Variants in DAB2IP observed in about 807,000 individuals in gnomAD.
DAB2IP encodes the protein DAB2 interacting protein, also known as disabled homolog 2-interacting protein.
In DAB2IP, 28 loss-of-function variants were observed where a neutral mutation model predicts 107.2. The ratio of observed to expected loss-of-function variants is 0.26; its 90% confidence interval spans 0.19 to 0.36. The LOEUF (loss-of-function observed/expected upper bound fraction) is 0.36, where lower values mean the gene tolerates loss of function less well. DAB2IP is among the 10% of genes least tolerant of loss of function. The pLI is 1.00. For synonymous variants in DAB2IP, 755 were observed against 706.4 expected (o/e 1.07, Z -1.09); for missense variants, 1,400 against 1,644.7 (o/e 0.85, Z 2.57).
rs760527073 is a variant in DAB2IP at position 121,776,543 on chromosome 9, G to A, written c.3314+152G>A. ...AGTGTCTGGGCAGTGGGAGCAGCGT[G>A]AGCACAGGCCTGGAGGCAGGAGGTG... is the stretch of plus-strand genomic sequence containing the variant. On this transcript the variant is annotated intron_variant, in intron 14 of 15. Coordinates refer to ENST00000408936, the Ensembl canonical transcript of DAB2IP. This position sits in a 1 kb window ranked among gnomAD's most constrained non-coding sequence, Gnocchi z 5.4. The A allele has an allele frequency of 5.2e-5, 50 of 963,390 alleles. No individual in the cohort carries two copies. The highest frequency in any genetic ancestry group is 4.2e-5 in the Non-Finnish European group (28 of 668,778). 59.7% of individuals were successfully genotyped at this position (963,390 alleles called of 1,614,324 possible).
At chr9:121,619,878 A>C (rs1005643483) in intron 1 of DAB2IP, among the ~76,000 whole-genome samples, 2 of 152,098 alleles carry the variant, frequency 1.3e-5, no homozygotes, top group African/African-American at 4.8e-5. Context: ...TTAGGTAGGA[A>C]GTTATTCTTT....
At chr9:121,768,387 G>T (rs140733730) in intron 9 of DAB2IP, 45 bp from the exon 10 acceptor site, 9 of 1,607,254 alleles carry the variant, frequency 5.6e-6, no homozygotes, top group Non-Finnish European at 7.7e-6. Context: ...CCTGGGCAGG[G>T]CCTGCCTGGG....
rs559033657 is a variant in DAB2IP at position 121,626,213 on chromosome 9, A to G, written c.41-52465A>G. On this transcript the variant is annotated intron_variant, in intron 1 of 16. Coordinates refer to the DAB2IP transcript ENST00000259371. The stretch of plus-strand genomic sequence containing the variant: ...CATCCAGTGACTTGGCACACGTTTA[A>G]TGAGCTCTTGCCTTGTGCCTGGCAC... Among the ~76,000 whole-genome samples, 3 of 152,118 alleles carry G rather than the reference A, an allele frequency of 2.0e-5. No homozygotes were observed. In the East Asian group the frequency reaches 5.8e-4, roughly 29 times the overall value.
At chr9:121,688,474 C>T (rs1829002821) in intron 2 of DAB2IP, among the ~76,000 whole-genome samples, 1 of 152,166 alleles carries the variant, frequency 6.6e-6, no homozygotes. Flanking sequence ...GGCATTCAAG[C>T]CCCCCAGGCT....
At chr9:121,779,678 A>C (rs1835452536) in intron 14 of DAB2IP, among the ~76,000 whole-genome samples, 1 of 152,174 alleles carries the variant, frequency 6.6e-6, no homozygotes, top group Admixed American at 6.5e-5. Context: ...TTGGTGCGTC[A>C]CTGCACTCTC....
At chr9:121,640,457 C>T (rs1353797734) in intron 1 of DAB2IP, among the ~76,000 whole-genome samples, 2 of 152,138 alleles carry the variant, frequency 1.3e-5, no homozygotes, top group African/African-American at 4.8e-5. Flanking sequence ...CTTACAGCTT[C>T]CCGGGACAGA....
intron 3 of DAB2IP, chr9:121,752,761 GA>G (rs1167661194): frequency 3.3e-5 from 5 of 152,270 alleles, no homozygotes; most frequent in African/African-American, 1.2e-4. Flanking sequence ...GTGGTCTCAA[GA>G]GGGGATCCCT....
intron 3 of DAB2IP, among the ~76,000 whole-genome samples, chr9:121,729,411 C>G (rs1319179722): frequency 6.6e-6 from 1 of 152,170 alleles, no homozygotes; most frequent in African/African-American, 2.4e-5. Context: ...AGGAGGTGAG[C>G]CCAGGTCCCC....
chr9:121,612,246 A>G (rs1009159847), intron 1 of DAB2IP, among the ~76,000 whole-genome samples: 14 of 151,568 alleles, frequency 9.2e-5, no homozygotes, highest in Admixed American at 8.6e-4. Flanking sequence ...TAAGTCCGGG[A>G]GGAGGTTGAG....
At chr9:121,692,164 G>A (rs573669381) in intron 2 of DAB2IP, among the ~76,000 whole-genome samples, 1 of 152,304 alleles carries the variant, frequency 6.6e-6, no homozygotes, top group East Asian at 1.9e-4. Context: ...TTTAGCTTGT[G>A]TGTCTGCACA....
chr9:121,765,165 GA>G (rs1834185705), intron 8 of DAB2IP, among the ~76,000 whole-genome samples: 1 of 152,182 alleles, frequency 6.6e-6, no homozygotes, highest in Non-Finnish European at 1.5e-5. Flanking sequence ...TGAACTCTGG[GA>G]ACACACTTCC....
intron 8 of DAB2IP, among the ~76,000 whole-genome samples, chr9:121,765,230 A>C (rs558329493): frequency 6.6e-6 from 1 of 152,238 alleles, no homozygotes; most frequent in African/African-American, 2.4e-5. Flanking sequence ...GGGGCTGGGC[A>C]TGTGACTCAG....
chr9:121,653,479 C>T, intron 1 of DAB2IP, among the ~76,000 whole-genome samples: 1 of 152,130 alleles, frequency 6.6e-6, no homozygotes, highest in East Asian at 1.9e-4. Flanking sequence ...CAAGTCATTT[C>T]CCCTTTCTGA....
intron 1 of DAB2IP, among the ~76,000 whole-genome samples, chr9:121,595,487 T>C (rs1234488687): frequency 1.3e-5 from 2 of 151,610 alleles, no homozygotes; most frequent in Non-Finnish European, 2.9e-5. Context: ...CCTGTAGTCC[T>C]AGCTACTCAG....
Position 121,760,223 on chromosome 9 carries a change from C to A in DAB2IP, c.954C>A (p.Pro318=). ...GGTACCCGGTGGTGACGCCCAACCC[C>A]AAGGGCGGCAAGGGCCCTGGACCCA... The change falls in exon 6 of 16, where the codon CCC becomes CCA. Residue 318 remains proline (P), a synonymous_variant. Coordinates refer to ENST00000408936, the Ensembl canonical transcript of DAB2IP. This position sits in a 1 kb window ranked among gnomAD's most constrained non-coding sequence, Gnocchi z 5.9. 1 of 1,613,706 alleles carries A rather than the reference C, an allele frequency of 6.2e-7. No individual in the cohort carries two copies. The highest frequency in any genetic ancestry group is 1.1e-5 in the South Asian group (1 of 91,072).
At chr9:121,587,587 A>G (rs1254175868) in intron 1 of DAB2IP, among the ~76,000 whole-genome samples, 1 of 151,676 alleles carries the variant, frequency 6.6e-6, no homozygotes, top group Non-Finnish European at 1.5e-5. Context: ...CAGTCTGAGC[A>G]ATCAGAGTGA....
chr9:121,677,000 A>C (rs1237401509), intron 1 of DAB2IP, among the ~76,000 whole-genome samples: 1 of 152,240 alleles, frequency 6.6e-6, no homozygotes, highest in East Asian at 1.9e-4. Context: ...ACCATTTAAG[A>C]GTCAGAATAC....
At chr9:121,731,398 C>T (rs758192059) in intron 3 of DAB2IP, among the ~76,000 whole-genome samples, 8 of 152,216 alleles carry the variant, frequency 5.3e-5, no homozygotes, top group South Asian at 2.1e-4. Flanking sequence ...AGATGGCTGA[C>T]GGAATGGAGT....
intron 1 of DAB2IP, among the ~76,000 whole-genome samples, chr9:121,627,340 C>T (rs1831693710): frequency 6.6e-6 from 1 of 151,932 alleles, no homozygotes; most frequent in Non-Finnish European, 1.5e-5. Flanking sequence ...TCAACCAGGC[C>T]CCCTGTGATG....
Sources: gnomAD v4.1 joint callset for allele counts (sites outside exome capture counted in the v4.1 genomes callset) on GRCh38, gnomAD v4.1.1 for gene constraint, Gnocchi (gnomAD v3.1) non-coding constraint, MANE v1.5 for transcripts, NCBI Gene and HGNC (gene_info 2026-07-23, HGNC 2026-07-21) for gene names.